The following NR2F1-AS1 variants were observed in gnomAD, a reference collection of about 807,000 sequenced individuals.
NR2F1-AS1 encodes the protein NR2F1 antisense RNA 1.
intron 4 of NR2F1-AS1, among the ~76,000 whole-genome samples, chr5:93,504,224 C>G (rs1751140553): frequency 6.6e-6 from 1 of 152,084 alleles, no homozygotes; most frequent in African/African-American, 2.4e-5. Flanking sequence ...TTGTATAAGT[C>G]CATGTCATTT....
chr5:93,474,986 TG>T (rs879447785), intron 4 of NR2F1-AS1, among the ~76,000 whole-genome samples: 10 of 152,106 alleles, frequency 6.6e-5, no homozygotes, highest in Admixed American at 6.5e-4. Flanking sequence ...TAGCCAGGCA[TG>T]GCCGTGTGTG....
chr5:93,560,205 T>C (rs1382574004), intron 2 of NR2F1-AS1, among the ~76,000 whole-genome samples: 1 of 152,232 alleles, frequency 6.6e-6, no homozygotes, highest in Non-Finnish European at 1.5e-5. Context: ...GGCTTTACTA[T>C]TTTTATTAAA....
intron 4 of NR2F1-AS1, among the ~76,000 whole-genome samples, chr5:93,541,546 T>A (rs1485171916): frequency 6.6e-6 from 1 of 152,182 alleles, no homozygotes; most frequent in African/African-American, 2.4e-5. Context: ...TCTTACTGCT[T>A]GGTTGGTATA....
At chr5:93,493,304 T>C (rs1416816575) in intron 4 of NR2F1-AS1, among the ~76,000 whole-genome samples, 1 of 151,884 alleles carries the variant, frequency 6.6e-6, no homozygotes, top group Non-Finnish European at 1.5e-5. Context: ...CCCAAAAGAA[T>C]AAAATACCCA....
intron 4 of NR2F1-AS1, among the ~76,000 whole-genome samples, chr5:93,433,300 T>A (rs2149847732): frequency 6.6e-6 from 1 of 152,324 alleles, no homozygotes; most frequent in African/African-American, 2.4e-5. Flanking sequence ...CCTAAAACAA[T>A]CTATATGCTA....
chr5:93,467,480 C>T (rs1750263431), intron 4 of NR2F1-AS1, among the ~76,000 whole-genome samples: 2 of 152,296 alleles, frequency 1.3e-5, no homozygotes, highest in Admixed American at 1.3e-4. Context: ...ATTTGTCTCT[C>T]TAAGCCTTGC....
chr5:93,581,844 T>C (rs1308532888), upstream of NR2F1-AS1, among the ~76,000 whole-genome samples: 3 of 37,906 alleles, frequency 7.9e-5, no homozygotes, highest in Non-Finnish European at 1.9e-4. Context: ...CTCCTCTCTC[T>C]CTCTCTCTCC....
At chr5:93,442,299 A>G (rs192826034) in intron 4 of NR2F1-AS1, among the ~76,000 whole-genome samples, 139 of 152,212 alleles carry the variant, frequency 9.1e-4, no homozygotes, top group Non-Finnish European at 1.7e-3. Context: ...AGCCAAGGGA[A>G]GCCATGACAG....
chr5:93,481,676 C>A (rs931496288), intron 4 of NR2F1-AS1, among the ~76,000 whole-genome samples: 6 of 151,926 alleles, frequency 3.9e-5, no homozygotes, highest in African/African-American at 1.2e-4. Flanking sequence ...AATTTTCAAT[C>A]GACTTCAAAA....
intron 4 of NR2F1-AS1, chr5:93,542,309 G>A (rs1751969222): frequency 6.6e-6 from 1 of 151,836 alleles, no homozygotes; most frequent in Admixed American, 6.6e-5. Context: ...CTATCTTCTT[G>A]AACTTCTATT....
intron 4 of NR2F1-AS1, among the ~76,000 whole-genome samples, chr5:93,499,667 C>G (rs1233697082): frequency 6.6e-6 from 1 of 152,120 alleles, no homozygotes; most frequent in Non-Finnish European, 1.5e-5. Context: ...CCTACAATGG[C>G]CTCTAAATAT....
intron 4 of NR2F1-AS1, among the ~76,000 whole-genome samples, chr5:93,445,666 T>C (rs1375857504): frequency 2.6e-5 from 4 of 152,024 alleles, no homozygotes; most frequent in African/African-American, 4.8e-5. Flanking sequence ...TTCCAACCAA[T>C]ATAAAAAGAG....
intron 4 of NR2F1-AS1, among the ~76,000 whole-genome samples, chr5:93,528,621 T>G (rs1181589439): frequency 6.6e-6 from 1 of 152,180 alleles, no homozygotes; most frequent in Non-Finnish European, 1.5e-5. Flanking sequence ...GCAGCACTAT[T>G]CACAATAGCA....
chr5:93,512,662 T>C (rs1003903214), intron 4 of NR2F1-AS1, among the ~76,000 whole-genome samples: 20 of 152,178 alleles, frequency 1.3e-4, no homozygotes, highest in Non-Finnish European at 1.5e-4. Flanking sequence ...GTAAGTGCCC[T>C]ATATAGGTGT....
At chr5:93,445,521 C>T (rs1021810351) in intron 4 of NR2F1-AS1, among the ~76,000 whole-genome samples, 1 of 152,004 alleles carries the variant, frequency 6.6e-6, no homozygotes, top group Admixed American at 6.6e-5. Context: ...CCTGAATAGA[C>T]CAACAACAGG....
At chr5:93,561,554 C>T (rs554741649) in intron 2 of NR2F1-AS1, among the ~76,000 whole-genome samples, 1 of 152,146 alleles carries the variant, frequency 6.6e-6, no homozygotes, top group African/African-American at 2.4e-5. Context: ...GGGAGGTTCG[C>T]TTGAGCCCAG....
At chr5:93,471,090 T>C (rs1013861024) in intron 4 of NR2F1-AS1, among the ~76,000 whole-genome samples, 3 of 151,914 alleles carry the variant, frequency 2.0e-5, no homozygotes, top group Non-Finnish European at 3.0e-5. Flanking sequence ...CATTAGAATG[T>C]TATTTGGCCT....
intron 2 of NR2F1-AS1, among the ~76,000 whole-genome samples, chr5:93,557,527 T>C (rs886814704): frequency 1.2e-4 from 18 of 152,178 alleles, no homozygotes; most frequent in African/African-American, 4.1e-4. Flanking sequence ...TGTAATTACA[T>C]TATGTCTAAA....
chr5:93,547,861 T>C (rs1752125191), intron 4 of NR2F1-AS1, among the ~76,000 whole-genome samples: 1 of 152,212 alleles, frequency 6.6e-6, no homozygotes, highest in Non-Finnish European at 1.5e-5. Context: ...ATGATATTGG[T>C]GTCAATGATA....
Sources: allele counts gnomAD v4.1 joint callset (sites outside exome capture counted in the v4.1 genomes callset), GRCh38; gene constraint gnomAD v4.1.1; transcripts MANE v1.5; gene names NCBI Gene and HGNC (gene_info 2026-07-23, HGNC 2026-07-21).